Variants in CDC14A observed in about 807,000 individuals in gnomAD.
CDC14A encodes cell division cycle 14A.
In CDC14A, 53 loss-of-function variants were observed where a neutral mutation model predicts 74.4. The ratio of observed to expected loss-of-function variants is 0.71; its 90% CI spans 0.57 to 0.89. CDC14A has a LOEUF of 0.89. CDC14A is among the 40% of genes least tolerant of loss of function. CDC14A has a pLI of 0.00. For missense variants in CDC14A, 646 were observed against 713.7 expected, an observed-to-expected ratio of 0.91 and a Z score of 1.08; for synonymous variants, 247 against 258.4, an observed-to-expected ratio of 0.96 and a Z score of 0.43.
intron 7 of CDC14A, among the ~76,000 whole-genome samples, chr1:100,449,516 T>C (rs1460726957): frequency 6.6e-6 from 1 of 152,166 alleles, no homozygotes; most frequent in African/African-American, 2.4e-5. Context: ...GGTGGCGGCT[T>C]CTGAGCTTTT....
chr1:100,370,839 G>T (rs1654384931), intron 2 of CDC14A, among the ~76,000 whole-genome samples: 1 of 152,054 alleles, frequency 6.6e-6, no homozygotes, highest in South Asian at 2.1e-4. Flanking sequence ...TTCTAATTCT[G>T]TGAAAAATGA....
rs1189469929 is a variant in CDC14A at position 100,498,129 on chromosome 1, C to A, written c.1343C>A (p.Ser448Ter). ...GGATCTGCAGTTACTTTGAAGACATCAAAAATGGCACTGTCCCCTTCAGCA... is the reference window on the plus strand; with the variant it reads ...GGATCTGCAGTTACTTTGAAGACATAAAAAATGGCACTGTCCCCTTCAGCA... ...LQGSAVTLKT[S>*]KMALSPSATA... The change falls in exon 14 of 16, where the codon TCA becomes TAA. Residue 448 changes from serine (S) to a stop codon, truncating the protein, a stop_gained. Transcript: ENST00000336454. LOFTEE classifies it high-confidence loss of function. 1.9e-6 allele frequency: 3 copies of A among 1,613,954 alleles called. No individual in the cohort carries two copies. In the African/African-American group the frequency reaches 4.0e-5, roughly 22 times the overall value.
At chr1:100,451,122 CTT>C (rs1170309701) in intron 7 of CDC14A, among the ~76,000 whole-genome samples, 3 of 152,232 alleles carry the variant, frequency 2.0e-5, no homozygotes, top group Non-Finnish European at 4.4e-5. Context: ...GTTATACACA[CTT>C]TGTATGATTA....
chr1:100,386,213 C>G (rs1324080244), intron 3 of CDC14A, among the ~76,000 whole-genome samples: 1 of 151,292 alleles, frequency 6.6e-6, no homozygotes, highest in African/African-American at 2.4e-5. Context: ...AGATAGAAAT[C>G]TAAAACATAA....
At chr1:100,373,976 C>G (rs1232794484) in intron 2 of CDC14A, among the ~76,000 whole-genome samples, 1 of 152,022 alleles carries the variant, frequency 6.6e-6, no homozygotes, top group Non-Finnish European at 1.5e-5. Flanking sequence ...CACAACAGTC[C>G]CCAGAGTGTG....
chr1:100,352,393 C>T (rs1651167895), upstream of CDC14A: 2 of 871,430 alleles, frequency 2.3e-6, no homozygotes, highest in Non-Finnish European at 2.7e-6. Context: ...GCCGCGGAGT[C>T]GTGAAAGTGG....
At chr1:100,419,955 A>AATATAAATATAATTATATTTATATTAT (rs1662053761) in intron 4 of CDC14A, among the ~76,000 whole-genome samples, 1 of 146,868 alleles carries the variant, frequency 6.8e-6, no homozygotes, top group Admixed American at 6.9e-5. Context: ...CAAGTCACAA[A>AATATAAATATAATTATATTTATATTAT]ATATAAATAT....
chr1:100,390,897 A>G (rs1646631233), intron 4 of CDC14A, 73 bp downstream of exon 4: 1 of 1,126,686 alleles, frequency 8.9e-7, no homozygotes, highest in Admixed American at 1.8e-5. Flanking sequence ...GAAAATCCAA[A>G]CCAGTTTTTC....
intron 15 of CDC14A, among the ~76,000 whole-genome samples, chr1:100,505,310 T>C: frequency 5.2e-5 from 1 of 19,074 alleles, no homozygotes; most frequent in Non-Finnish European, 1.8e-3. Flanking sequence ...TCTTTGGTTA[T>C]GAAGACTCTG....
chr1:100,518,058 T>C (rs1650384062), intron 15 of CDC14A, among the ~76,000 whole-genome samples, 193 bp from the exon 16 acceptor site: 2 of 152,200 alleles, frequency 1.3e-5, no homozygotes, highest in African/African-American at 4.8e-5. Flanking sequence ...TTTCTTACAA[T>C]CACTTTGCGT....
intron 15 of CDC14A, among the ~76,000 whole-genome samples, chr1:100,511,385 G>A (rs753102180): frequency 5.3e-5 from 8 of 152,120 alleles, no homozygotes; most frequent in Non-Finnish European, 8.8e-5. Context: ...AGTCTCTCCC[G>A]CAGATTACTG....
chr1:100,397,759 T>G (rs1307864631), intron 4 of CDC14A, among the ~76,000 whole-genome samples: 1 of 152,226 alleles, frequency 6.6e-6, no homozygotes, highest in African/African-American at 2.4e-5. Context: ...CCTTACCCAC[T>G]TGTTAAGTCT....
At position 100,361,113 on chromosome 1, in the gene CDC14A, CAACAAAA is replaced by C. The variant is rs1448737205; in HGVS notation, c.140+7278_140+7284del. Among the ~76,000 whole-genome samples, 7 of 142,476 alleles carry C rather than the reference CAACAAAA, an allele frequency of 4.9e-5. No homozygotes were observed. The East Asian group carries it at 6.0e-4, about 12-fold the overall frequency. The allele number at this position is 142,476 out of a possible 152,430, so 93.5% of individuals were successfully genotyped here. On this transcript the variant is annotated intron_variant, in intron 2 of 15. Transcript: ENST00000336454. ...CCCTTTGTGCTTAAAAAAAAAAAAA[CAACAAAA>C]AACAAAAAACAAAAAAACTAAAAAC...
At chr1:100,351,659 GC>G, upstream of CDC14A, 1 of 1,296,194 alleles carries the variant, frequency 7.7e-7, no homozygotes, top group Non-Finnish European at 1.1e-6. Flanking sequence ...CAGCGGTCTC[GC>G]CCCGCCCCTC....
intron 7 of CDC14A, among the ~76,000 whole-genome samples, chr1:100,454,238 G>T (rs1211051169): frequency 1.3e-5 from 2 of 151,968 alleles, no homozygotes; most frequent in African/African-American, 4.8e-5. Flanking sequence ...TACTGTTGAG[G>T]TCCTTGCCAT....
Position 100,365,941 on chromosome 1 carries a change from TACAC to T in CDC14A, c.141-11572_141-11569del, listed in dbSNP as rs34281009. On this transcript the variant is annotated intron_variant, in intron 2 of 15. Coordinates refer to ENST00000336454, the MANE Select transcript of CDC14A (RefSeq NM_003672.4). The stretch of plus-strand genomic sequence containing the variant: ...TTGCTGATCAATTTCAACAAAATTT[TACAC>T]ACACACACACACACACACACACACA... 4.1e-3 allele frequency among the ~76,000 whole-genome samples: 581 copies of T among 142,472 alleles called. 1 individual carries two copies. Among genetic ancestry groups the T allele is most frequent in the African/African-American group, 8.9e-3 (341 of 38,382 alleles). 93.5% of individuals were successfully genotyped at this position (142,472 alleles called of 152,430 possible). A position where few individuals can be genotyped will look rare whatever the true frequency, so the allele number is the denominator to read the frequency against.
chr1:100,469,217 C>A (rs1379476949), intron 10 of CDC14A, among the ~76,000 whole-genome samples: 1 of 152,166 alleles, frequency 6.6e-6, no homozygotes, highest in Non-Finnish European at 1.5e-5. Context: ...AAACTCTTAG[C>A]ATCTGAAATG....
intron 1 of CDC14A, among the ~76,000 whole-genome samples, chr1:100,347,189 T>C (rs537453398): frequency 3.3e-5 from 5 of 152,378 alleles, no homozygotes; most frequent in African/African-American, 9.6e-5. Context: ...AGGTTGTTGA[T>C]ACTACAGCAA....
intron 8 of CDC14A, among the ~76,000 whole-genome samples, chr1:100,459,853 G>A (rs1029118472): frequency 6.6e-6 from 1 of 152,174 alleles, no homozygotes; most frequent in African/African-American, 2.4e-5. Context: ...CAGGTCATAG[G>A]ACATTTCCAT....
Sources: gnomAD v4.1 joint callset for allele counts (sites outside exome capture counted in the v4.1 genomes callset) on GRCh38, gnomAD v4.1.1 for gene constraint, MANE v1.5 for transcripts, NCBI Gene and HGNC (gene_info 2026-07-23, HGNC 2026-07-21) for gene names.